Variants in CARS1 observed in about 807,000 individuals in gnomAD.
CARS1 encodes cysteinyl-tRNA synthetase 1.
CARS1 carries 48 observed loss-of-function variants against 106.2 expected under a neutral mutation model. The observed-to-expected ratio is 0.45, with a 90% CI of 0.36 to 0.57. The LOEUF (loss-of-function observed/expected upper bound fraction) is 0.57. Ranked by LOEUF, CARS1 falls within the 20% of genes least tolerant of loss-of-function variation. The pLI, the probability that CARS1 is intolerant of heterozygous loss-of-function variation, is 0.00. For missense variants in CARS1, 968 were observed against 1,057.2 expected (o/e 0.92, Z 1.17); for synonymous variants, 409 against 403.4 (o/e 1.01, Z -0.17).
At chr11:3,014,814 G>C (rs916742739) in intron 17 of CARS1, among the ~76,000 whole-genome samples, 2 of 152,218 alleles carry the variant, frequency 1.3e-5, no homozygotes, top group African/African-American at 4.8e-5. Flanking sequence ...TTTTCTCTTT[G>C]CAAGTTGGTT....
rs953632131 is a variant in CARS1 at position 3,004,037 on chromosome 11, G to A, written c.2217+1329C>T. Among the ~76,000 whole-genome samples, 1 of 152,190 alleles carries A rather than the reference G, an allele frequency of 6.6e-6. No homozygotes were observed. The highest frequency in any genetic ancestry group is 2.4e-5 in the African/African-American group (1 of 41,440). On this transcript the variant is annotated intron_variant, in intron 20 of 22. Coordinates refer to ENST00000380525, the MANE Select transcript of CARS1 (RefSeq NM_001014437.3). The surrounding 1 kb of genome is among the most constrained non-coding windows in gnomAD (Gnocchi z 5.2). ...TTCCTGCTTCTGAGCACTCTGCCAG[G>A]GAGTGCAGCAAGCCAGGGCGTCTGC... is the stretch of plus-strand genomic sequence containing the variant.
chr11:3,029,907 C>G lies in CARS1; in HGVS notation c.802-464G>C, dbSNP rs1375883252. Reference sequence around the variant, plus strand: ...GCACTGGTCCCAGAGGTCTCAAAAGCCCCATCTCCCTGACGCCATTGACTG... The same window carrying G: ...GCACTGGTCCCAGAGGTCTCAAAAGGCCCATCTCCCTGACGCCATTGACTG... On this transcript the variant is annotated intron_variant, in intron 7 of 22. Transcript: ENST00000380525. This position sits in a 1 kb window ranked among gnomAD's most constrained non-coding sequence, Gnocchi z 5.9. The G allele has an allele frequency of 6.3e-6, 1 of 158,070 alleles. No individual in the cohort carries two copies. Among genetic ancestry groups the G allele is most frequent in the African/African-American group, 2.4e-5 (1 of 41,568 alleles). The allele number at this position is 158,070 out of a possible 1,614,324, so 9.8% of individuals were successfully genotyped here.
intron 10 of CARS1, among the ~76,000 whole-genome samples, chr11:3,024,760 CT>C (rs1315255249): frequency 6.6e-6 from 1 of 152,144 alleles, no homozygotes; most frequent in Non-Finnish European, 1.5e-5. Context: ...GTGTTGTTAT[CT>C]AATACAATCG....
intron 17 of CARS1, among the ~76,000 whole-genome samples, chr11:3,012,874 C>T (rs1366521024): frequency 1.4e-5 from 2 of 145,140 alleles, no homozygotes; most frequent in African/African-American, 2.5e-5. Flanking sequence ...AACCTTTCTA[C>T]TATATTTCCC....
rs1333542292 is a variant in CARS1 at position 3,029,681 on chromosome 11, C to T, written c.802-238G>A. The stretch of plus-strand genomic sequence containing the variant: ...ACTCAGAGGAGCAAAGCCAAGGGGA[C>T]TGTGGGTGCAGAGGCAAAAAGAGGT... On this transcript the variant is annotated intron_variant, in intron 7 of 22. Transcript: ENST00000380525. The surrounding 1 kb of genome is among the most constrained non-coding windows in gnomAD (Gnocchi z 5.9). 3.7e-6 allele frequency: 2 copies of T among 535,050 alleles called. No homozygotes were observed. Among genetic ancestry groups the T allele is most frequent in the African/African-American group, 3.8e-5 (2 of 52,754 alleles). 33.1% of individuals were successfully genotyped at this position (535,050 alleles called of 1,614,324 possible).
rs1351501963 is a variant in CARS1 at position 3,003,185 on chromosome 11, G to A, written c.2218-585C>T. Among the ~76,000 whole-genome samples, 1 of 144,842 alleles carries A rather than the reference G, an allele frequency of 6.9e-6. No individual in the cohort carries two copies. On this transcript the variant is annotated intron_variant, in intron 20 of 22. Coordinates refer to ENST00000380525, the MANE Select transcript of CARS1 (RefSeq NM_001014437.3). This position sits in a 1 kb window ranked among gnomAD's most constrained non-coding sequence, Gnocchi z 4.8. ...GAGCCAGCAGGCTGGGTGCCGGTGAGGGAAGCCCTCGGTTGCTTTGGGAGG... is the reference window on the plus strand; with the variant it reads ...GAGCCAGCAGGCTGGGTGCCGGTGAAGGAAGCCCTCGGTTGCTTTGGGAGG...
intron 19 of CARS1, among the ~76,000 whole-genome samples, chr11:3,006,322 T>C (rs1314982479): frequency 1.3e-5 from 2 of 152,154 alleles, no homozygotes; most frequent in Non-Finnish European, 2.9e-5. Flanking sequence ...GATGGGCGTC[T>C]GTAATCCCAG....
In CARS1 at chr11:3,040,705, T is replaced by C; in HGVS notation, c.455+191A>G. 2.9e-6 allele frequency: 2 copies of C among 681,030 alleles called. No homozygotes were observed. Among genetic ancestry groups the C allele is most frequent in the Non-Finnish European group, 5.2e-6 (2 of 386,014 alleles). The allele number at this position is 681,030 out of a possible 1,614,324, so 42.2% of individuals were successfully genotyped here. A position where few individuals can be genotyped will look rare whatever the true frequency, so the allele number is the denominator to read the frequency against. On this transcript the variant is annotated intron_variant, in intron 4 of 22. Coordinates refer to ENST00000380525, the MANE Select transcript of CARS1 (RefSeq NM_001014437.3). The surrounding 1 kb of genome is among the most constrained non-coding windows in gnomAD (Gnocchi z 5.8). ...ATCTGTAGTCTTTCTGCAGTGAATA[T>C]AGATTACTTATGGCATTAAAATTTT...
chr11:3,041,765 A>T lies in CARS1; in HGVS notation c.366+400T>A, dbSNP rs575976504. On this transcript the variant is annotated intron_variant, in intron 3 of 22. Coordinates refer to ENST00000380525, the MANE Select transcript of CARS1 (RefSeq NM_001014437.3). This position sits in a 1 kb window ranked among gnomAD's most constrained non-coding sequence, Gnocchi z 4.9. ...CAAAACCTGCTGTGCTCCCAACAAC[A>T]TCCAGCCAGTTTGCCGTTTTGTCCA... 2.0e-5 allele frequency among the ~76,000 whole-genome samples: 3 copies of T among 152,226 alleles called. No individual in the cohort carries two copies. The highest frequency in any genetic ancestry group is 4.4e-5 in the Non-Finnish European group (3 of 68,024).
chr11:3,051,105 G>C (rs1284074917), intron 1 of CARS1, among the ~76,000 whole-genome samples: 2 of 152,228 alleles, frequency 1.3e-5, no homozygotes, highest in African/African-American at 4.8e-5. Flanking sequence ...TTCTCAGAAA[G>C]ACACCTGCAC....
rs368742301 is a variant in CARS1, at chr11:3,021,332, G to A, written c.1154-1000C>T. Among the ~76,000 whole-genome samples, 28 of 152,316 alleles carry A rather than the reference G, an allele frequency of 1.8e-4. No homozygotes were observed. The highest frequency in any genetic ancestry group is 6.0e-4 in the African/African-American group (25 of 41,556). On this transcript the variant is annotated intron_variant, in intron 10 of 22. Coordinates refer to ENST00000380525, the MANE Select transcript of CARS1 (RefSeq NM_001014437.3). The surrounding 1 kb of genome is among the most constrained non-coding windows in gnomAD (Gnocchi z 5.3). ...CCAGGACCCACGCCAGGTCTTGCCCGGCTGCTGCAGCCTTTCCTGGTCCCT... is the reference window on the plus strand; with the variant it reads ...CCAGGACCCACGCCAGGTCTTGCCCAGCTGCTGCAGCCTTTCCTGGTCCCT...
intron 17 of CARS1, among the ~76,000 whole-genome samples, chr11:3,014,778 G>C (rs1850826573): frequency 6.6e-6 from 1 of 152,234 alleles, no homozygotes; most frequent in East Asian, 1.9e-4. Flanking sequence ...TAGGTGCTCT[G>C]GCAGGACTTC....
At position 3,020,987 on chromosome 11, in the gene CARS1, A is replaced by G. The variant is rs1851518432; in HGVS notation, c.1154-655T>C. 6.6e-6 allele frequency among the ~76,000 whole-genome samples: 1 copy of G among 152,218 alleles called. No homozygotes were observed. The highest frequency in any genetic ancestry group is 1.5e-5 in the Non-Finnish European group (1 of 68,034). On this transcript the variant is annotated intron_variant, in intron 10 of 22. Transcript: ENST00000380525. The surrounding 1 kb of genome is among the most constrained non-coding windows in gnomAD (Gnocchi z 4.6). ...TTGGCACAAGTTCTATTTCCTGGAC[A>G]AAGCCAATGATCACCTGGCCAACAA...
rs550388038 is a variant in CARS1, at chr11:3,039,496, T to C, written c.553-204A>G. On this transcript the variant is annotated intron_variant, in intron 5 of 22. Transcript: ENST00000380525. This position sits in a 1 kb window ranked among gnomAD's most constrained non-coding sequence, Gnocchi z 5.6. ...GCCAAGTAGTGCCCAAGGCCTAACATGATCTTTCTGACGCTTAATGAAATG... is the reference window on the plus strand; with the variant it reads ...GCCAAGTAGTGCCCAAGGCCTAACACGATCTTTCTGACGCTTAATGAAATG... Among the ~76,000 whole-genome samples the C allele has an allele frequency of 1.0e-3, 158 of 152,292 alleles. No homozygotes were observed. The highest frequency in any genetic ancestry group is 3.4e-3 in the African/African-American group (143 of 41,572).
Position 3,023,878 on chromosome 11 carries a change from T to C in CARS1, c.1153+2798A>G, listed in dbSNP as rs150699092. Reference sequence around the variant, plus strand: ...TTCCTTTCCCAGCTTTTTGACTGACTGCTTAGCTCACTTATTTCCTTTTTT... The same window carrying C: ...TTCCTTTCCCAGCTTTTTGACTGACCGCTTAGCTCACTTATTTCCTTTTTT... On this transcript the variant is annotated intron_variant, in intron 10 of 22. Coordinates refer to ENST00000380525, the MANE Select transcript of CARS1 (RefSeq NM_001014437.3). Among the ~76,000 whole-genome samples, 33 of 152,314 alleles carry C rather than the reference T, an allele frequency of 2.2e-4. 1 individual carries two copies. In the East Asian group the frequency reaches 6.4e-3, roughly 29 times the overall value.
rs1195113063 is a variant in CARS1 at position 3,045,573 on chromosome 11, C to T, written c.274+2180G>A. ...GCCACCGCGCCGGGCCAAGCAGAGT[C>T]TTTCCATGTCTGAGAGGATCTTGGA... On this transcript the variant is annotated intron_variant, in intron 2 of 22. Coordinates refer to ENST00000380525, the MANE Select transcript of CARS1 (RefSeq NM_001014437.3). The surrounding 1 kb of genome is among the most constrained non-coding windows in gnomAD (Gnocchi z 5.6). Among the ~76,000 whole-genome samples, 1 of 151,844 alleles carries T rather than the reference C, an allele frequency of 6.6e-6. No homozygotes were observed. Among genetic ancestry groups the T allele is most frequent in the East Asian group, 1.9e-4 (1 of 5,176 alleles).
At chr11:3,016,197 A>C (rs1230735908) in intron 16 of CARS1, among the ~76,000 whole-genome samples, 2 of 148,082 alleles carry the variant, frequency 1.4e-5, no homozygotes, top group Non-Finnish European at 3.0e-5. Flanking sequence ...TTCAGAGAGG[A>C]GGCCTTGTCC....
chr11:3,010,680 C>G (rs1020797201), intron 18 of CARS1, among the ~76,000 whole-genome samples: 1 of 152,230 alleles, frequency 6.6e-6, no homozygotes, highest in African/African-American at 2.4e-5. Context: ...TCTCCTGCAG[C>G]CTGTGGAGCC....
At chr11:3,054,757 A>T (rs1304947963) in intron 1 of CARS1, 2 of 643,760 alleles carry the variant, frequency 3.1e-6, no homozygotes, top group Non-Finnish European at 5.6e-6. Flanking sequence ...GTGGCAGGAG[A>T]TAACAGATGC....
Sources: allele counts gnomAD v4.1 joint callset (sites outside exome capture counted in the v4.1 genomes callset), GRCh38; gene constraint gnomAD v4.1.1; non-coding constraint Gnocchi (gnomAD v3.1); transcripts MANE v1.5; gene names NCBI Gene and HGNC (gene_info 2026-07-23, HGNC 2026-07-21).